NRIP3: variants seen among roughly 807,000 people sequenced by gnomAD.
The protein encoded by NRIP3 is nuclear receptor-interacting protein 3.
NRIP3 carries 31 observed loss-of-function variants against 29.0 expected under a neutral mutation model. That is an observed-to-expected ratio of 1.07 (90% CI 0.80 to 1.44). The LOEUF is 1.44. Among genes scored for constraint, NRIP3 ranks in the 40% most tolerant of loss-of-function variants. The probability of loss-of-function intolerance (pLI) is 0.00; values close to 1 mark genes in which losing one functional copy is unlikely to be tolerated. For synonymous variants in NRIP3, 131 were observed against 118.3 expected (o/e 1.11, Z -0.70); for missense variants, 314 against 297.9 (o/e 1.05, Z -0.40).
At chr11:9,002,501 A>T (rs1380964293) in intron 1 of NRIP3, among the ~76,000 whole-genome samples, 1 of 141,840 alleles carries the variant, frequency 7.1e-6, no homozygotes, top group Admixed American at 7.3e-5. Context: ...AACTCTGCAC[A>T]GAAGTAACTA....
At chr11:8,994,197 C>T (rs1854661128) in intron 1 of NRIP3, among the ~76,000 whole-genome samples, 1 of 152,150 alleles carries the variant, frequency 6.6e-6, no homozygotes, top group South Asian at 2.1e-4. Flanking sequence ...GGCATTATAT[C>T]CACATTCAAG....
chr11:9,001,264 A>G (rs925091313), intron 1 of NRIP3, among the ~76,000 whole-genome samples: 4 of 152,224 alleles, frequency 2.6e-5, no homozygotes, highest in African/African-American at 9.6e-5. Flanking sequence ...GGCCAAGAGA[A>G]CATGACCCCC....
In NRIP3 at chr11:8,985,693, G is replaced by C. The variant is rs755200256; in HGVS notation, c.562+18C>G. 5.0e-6 allele frequency: 8 copies of C among 1,612,496 alleles called. No homozygotes were observed. In the Admixed American group the frequency reaches 1.2e-4, roughly 24 times the overall value. ...GTTTCCGTTAGGGTCCATAGGTCCA[G>C]CCCTCAATTCTGCTTACCAACCACA... On this transcript the variant is annotated intron_variant, in intron 4 of 6. Coordinates refer to ENST00000309166, the MANE Select transcript of NRIP3 (RefSeq NM_020645.3).
intron 1 of NRIP3, among the ~76,000 whole-genome samples, chr11:9,001,949 C>T (rs1180909386): frequency 1.3e-5 from 2 of 152,260 alleles, no homozygotes; most frequent in Non-Finnish European, 2.9e-5. Context: ...ATACTCAAGG[C>T]AATATCCTGC....
At chr11:8,999,094 C>A (rs1034677193) in intron 1 of NRIP3, among the ~76,000 whole-genome samples, 5 of 152,166 alleles carry the variant, frequency 3.3e-5, no homozygotes, top group African/African-American at 4.8e-5. Flanking sequence ...TGAGCCAGCG[C>A]GCCCAGCCCG....
intron 1 of NRIP3, among the ~76,000 whole-genome samples, chr11:8,995,840 T>G (rs1854692803): frequency 6.6e-6 from 1 of 152,214 alleles, no homozygotes; most frequent in South Asian, 2.1e-4. Flanking sequence ...CACTCTCCCT[T>G]TATTCATTCA....
chr11:8,982,846 T>TTAA lies in NRIP3; in HGVS notation c.*698_*699insTTA. On this transcript the variant is annotated 3_prime_UTR_variant, in exon 7 of 7. Coordinates refer to ENST00000309166, the MANE Select transcript of NRIP3 (RefSeq NM_020645.3). Reference sequence around the variant, plus strand: ...TGCTCTGCCTTTTTTTTTTTTTTTTTAACACATTCTCACCTCTTTGCCCTC... The same window carrying TTAA: ...TGCTCTGCCTTTTTTTTTTTTTTTTTTAAAACACATTCTCACCTCTTTGCCCTC... 3 of 321,730 alleles carry TTAA rather than the reference T, an allele frequency of 9.3e-6. No individual in the cohort carries two copies. The highest frequency in any genetic ancestry group is 1.8e-5 in the Non-Finnish European group (3 of 164,612). The allele number at this position is 321,730 out of a possible 1,614,324, so 19.9% of individuals were successfully genotyped here.
At chr11:9,003,610 C>G (rs747728042) in intron 1 of NRIP3, 152 bp downstream of exon 1, 5 of 721,000 alleles carry the variant, frequency 6.9e-6, no homozygotes, top group Non-Finnish European at 8.2e-6. Context: ...AGCAGGGGTA[C>G]TGGAAGGGGA....
At chr11:9,004,113 C>CCTCGCGTCCCGCGT (rs1555232318), upstream of NRIP3, 2 of 482,842 alleles carry the variant, frequency 4.1e-6, no homozygotes, top group African/African-American at 2.0e-5. Flanking sequence ...CGCGCGGCTC[C>CCTCGCGTCCCGCGT]CTCGCGTCCC....
rs1440984967 is a variant in NRIP3, at chr11:8,987,583, A to T, written c.387T>A (p.Tyr129Ter). The T allele has an allele frequency of 1.9e-6, 3 of 1,614,140 alleles. 1 individual carries two copies. The South Asian group carries it at 3.3e-5, about 18-fold the overall frequency. ...VKALVDTGCL[Y>*]NLISLACVDR... ...CCACACAGGCCAAAGAGATGAGATT[A>T]TATAGGCAGCCTGTGTCAACCAAGG... Residue 129 changes from tyrosine to a stop codon, truncating the protein, a stop_gained, in exon 3 of 7, where the codon TAT (tyrosine) becomes TAA (stop). Coordinates refer to ENST00000309166, the MANE Select transcript of NRIP3 (RefSeq NM_020645.3). LOFTEE classifies it high-confidence loss of function.
intron 6 of NRIP3, 32 bp downstream of exon 6, chr11:8,983,843 T>A: frequency 6.4e-7 from 1 of 1,556,868 alleles, no homozygotes; most frequent in Non-Finnish European, 8.9e-7. Context: ...GACAAATGGA[T>A]GTGACTTGAT....
intron 1 of NRIP3, among the ~76,000 whole-genome samples, chr11:8,991,158 AG>A (rs1356632292): frequency 6.6e-6 from 1 of 151,992 alleles, no homozygotes; most frequent in Admixed American, 6.6e-5. Context: ...AAAATTAGCC[AG>A]GTGTGGTGGT....
intron 1 of NRIP3, among the ~76,000 whole-genome samples, chr11:8,999,021 T>C (rs1018518607): frequency 1.1e-4 from 17 of 152,086 alleles, no homozygotes; most frequent in Non-Finnish European, 1.3e-4. Flanking sequence ...GCCAGGATGG[T>C]CTTGATCTCC....
Position 8,987,650 on chromosome 11 carries a change from T to C in NRIP3, c.340-20A>G, listed in dbSNP as rs1343381951. ...AGCACACTGTGGGGAGGAAATGTACTGTTCAATAAGAGCCAGAGAAGCGAA... is the reference window on the plus strand; with the variant it reads ...AGCACACTGTGGGGAGGAAATGTACCGTTCAATAAGAGCCAGAGAAGCGAA... On this transcript the variant is annotated intron_variant, in intron 2 of 6. Transcript: ENST00000309166. The C allele has an allele frequency of 1.3e-6, 2 of 1,593,848 alleles. No individual in the cohort carries two copies. The highest frequency in any genetic ancestry group is 2.2e-5 in the South Asian group (2 of 90,602).
intron 2 of NRIP3, 68 bp downstream of exon 2, chr11:8,988,050 G>A (rs1854544264): frequency 6.7e-7 from 1 of 1,481,980 alleles, no homozygotes; most frequent in Non-Finnish European, 9.3e-7. Context: ...ACTCTATAAA[G>A]TCAGGAGGAG....
At chr11:9,004,277 G>A (rs559311468), upstream of NRIP3, 159 of 188,750 alleles carry the variant, frequency 8.4e-4, 1 homozygote, top group Non-Finnish European at 1.1e-3. Context: ...CCCCTGGACT[G>A]GCGTGGGCTC....
intron 1 of NRIP3, among the ~76,000 whole-genome samples, chr11:9,001,815 G>C (rs1247469859): frequency 1.4e-5 from 2 of 144,538 alleles, no homozygotes; most frequent in African/African-American, 5.9e-5. Flanking sequence ...GCTGTTCTGT[G>C]CAATCACTTG....
rs1828114869 is a variant in NRIP3 at position 8,982,183 on chromosome 11, T to G, written c.*1362A>C. 3 of 152,236 alleles carry G rather than the reference T, an allele frequency of 2.0e-5. No homozygotes were observed. Among genetic ancestry groups the G allele is most frequent in the Admixed American group, 1.3e-4 (2 of 15,292 alleles). The allele number at this position is 152,236 out of a possible 1,614,324, so 9.4% of individuals were successfully genotyped here. ...CCATTATAGACACCTGTGTGCCTAA[T>G]GTGACACCCCAGTCAAAAAGCTTCA... On this transcript the variant is annotated 3_prime_UTR_variant, in exon 7 of 7. Transcript: ENST00000309166.
chr11:8,994,637 T>A (rs925720193), intron 1 of NRIP3, among the ~76,000 whole-genome samples: 9 of 152,246 alleles, frequency 5.9e-5, no homozygotes, highest in African/African-American at 1.9e-4. Context: ...CTAATGGGCA[T>A]TTAGATTATT....
Sources: allele counts gnomAD v4.1 joint callset (sites outside exome capture counted in the v4.1 genomes callset), GRCh38; gene constraint gnomAD v4.1.1; transcripts MANE v1.5; gene names NCBI Gene and HGNC (gene_info 2026-07-23, HGNC 2026-07-21).